The following AEBP2 variants were observed in gnomAD, a reference collection of about 807,000 sequenced individuals.
AEBP2 encodes the protein zinc finger protein AEBP2.
A neutral mutation model predicts 50.8 loss-of-function variants in AEBP2; 10 were observed. That is an observed-to-expected ratio of 0.20 (90% confidence interval 0.12 to 0.33). AEBP2 has a LOEUF of 0.33. Ranked by LOEUF, AEBP2 falls within the 10% of genes least tolerant of loss-of-function variation. The pLI is 1.00. For missense variants in AEBP2, 570 were observed against 688.0 expected (o/e 0.83, Z 1.92); for synonymous variants, 296 against 261.3 (o/e 1.13, Z -1.28).
Position 19,452,244 on chromosome 12 carries a change from C to T in AEBP2, c.672-10266C>T, listed in dbSNP as rs558949157. On this transcript the variant is annotated intron_variant, in intron 1 of 7. Transcript: ENST00000266508. ...CTGGATTCAAGTGATGTGTCTGCCT[C>T]GACCTCCCAAAGTGCTGGGATTACA... Among the ~76,000 whole-genome samples the T allele has an allele frequency of 4.6e-5, 7 of 152,270 alleles. 1 individual carries two copies. The highest frequency in any genetic ancestry group is 1.2e-4 in the African/African-American group (5 of 41,562).
intron 5 of AEBP2, chr12:19,509,006 A>G: frequency 1.9e-6 from 1 of 532,900 alleles, no homozygotes; most frequent in Non-Finnish European, 3.6e-6. Context: ...TTACCTTTTT[A>G]CTAAGAACGT....
intron 1 of AEBP2, among the ~76,000 whole-genome samples, chr12:19,455,003 ATT>A (rs778113628): frequency 6.9e-6 from 1 of 145,136 alleles, no homozygotes. Flanking sequence ...TGGTTCTCAG[ATT>A]TTTTTTTTTT....
intron 5 of AEBP2, among the ~76,000 whole-genome samples, chr12:19,506,999 A>G (rs1226373974): frequency 3.3e-5 from 5 of 152,136 alleles, no homozygotes; most frequent in Non-Finnish European, 5.9e-5. Flanking sequence ...TTAGAGGCCT[A>G]TAGGGCATTC....
intron 1 of AEBP2, chr12:19,456,422 C>A: frequency 7.2e-7 from 1 of 1,398,460 alleles, no homozygotes; most frequent in Admixed American, 1.8e-5. Flanking sequence ...TGCCAGGAAC[C>A]ATATCAACGT....
chr12:19,474,606 A>T lies in AEBP2; in HGVS notation c.987+1251A>T, dbSNP rs554794739. On this transcript the variant is annotated intron_variant, in intron 3 of 7. Transcript: ENST00000266508. Reference sequence around the variant, plus strand: ...TCTCATTCTCCTTTCTTTCTTACACAAAGTCTAGTAAATTAAATACTGTCT... The same window carrying T: ...TCTCATTCTCCTTTCTTTCTTACACTAAGTCTAGTAAATTAAATACTGTCT... 7.9e-5 allele frequency among the ~76,000 whole-genome samples: 12 copies of T among 152,198 alleles called. No homozygotes were observed. In the South Asian group the frequency reaches 2.5e-3, roughly 32 times the overall value.
At chr12:19,495,557 T>TG (rs1948965888) in intron 4 of AEBP2, among the ~76,000 whole-genome samples, 1 of 152,004 alleles carries the variant, frequency 6.6e-6, no homozygotes, top group Non-Finnish European at 1.5e-5. Context: ...CTTTTTTTTT[T>TG]TTTTGATACA....
intron 3 of AEBP2, among the ~76,000 whole-genome samples, chr12:19,485,186 A>G (rs146624615): frequency 9.1e-4 from 139 of 152,330 alleles, no homozygotes; most frequent in Middle Eastern, 3.4e-3. Flanking sequence ...TTCAAAGCCT[A>G]TACAAATGTT....
In AEBP2 at chr12:19,496,584, C is replaced by T. The variant is rs367696909; in HGVS notation, c.1174+2598C>T. Reference sequence around the variant, plus strand: ...ATTCAAGAAGACAGTTTTTACGAAACTGTGAAAAATATACCTTATAAATAG... The same window carrying T: ...ATTCAAGAAGACAGTTTTTACGAAATTGTGAAAAATATACCTTATAAATAG... On this transcript the variant is annotated intron_variant, in intron 4 of 7. Coordinates refer to ENST00000266508, the MANE Select transcript of AEBP2 (RefSeq NM_153207.5). 1.6e-4 allele frequency among the ~76,000 whole-genome samples: 25 copies of T among 151,948 alleles called. No homozygotes were observed. The East Asian group carries it at 1.7e-3, about 11-fold the overall frequency.
At position 19,452,162 on chromosome 12, in the gene AEBP2, A is replaced by G. The variant is rs534473258; in HGVS notation, c.672-10348A>G. ...CACCTCAGCCTCCCAAAGTGCTGGG[A>G]TTTTTATTTTTATTGGGATGGAGTT... On this transcript the variant is annotated intron_variant, in intron 1 of 7. Coordinates refer to ENST00000266508, the MANE Select transcript of AEBP2 (RefSeq NM_153207.5). Among the ~76,000 whole-genome samples the G allele has an allele frequency of 3.4e-4, 51 of 152,182 alleles. 1 individual carries two copies. In the South Asian group the frequency reaches 0.011, roughly 32 times the overall value.
chr12:19,435,760 A>G (rs1246247384), upstream of AEBP2, among the ~76,000 whole-genome samples: 1 of 152,172 alleles, frequency 6.6e-6, no homozygotes, highest in Admixed American at 6.5e-5. Context: ...ATGTCTTACT[A>G]TACACTTTGT....
chr12:19,456,953 G>T (rs1397157889), intron 1 of AEBP2: 14 of 1,514,540 alleles, frequency 9.2e-6, no homozygotes, highest in African/African-American at 4.1e-5. Flanking sequence ...GCCTCAAGCA[G>T]CATGGTTCCA....
intron 3 of AEBP2, among the ~76,000 whole-genome samples, chr12:19,481,165 A>G (rs1372759925): frequency 8.2e-6 from 1 of 122,046 alleles, no homozygotes; most frequent in East Asian, 2.5e-4. Flanking sequence ...TAGTGATGCT[A>G]TCTCCACTCA....
intron 4 of AEBP2, among the ~76,000 whole-genome samples, chr12:19,497,031 TTAAAA>T (rs1405077261): frequency 2.6e-5 from 4 of 151,206 alleles, no homozygotes; most frequent in African/African-American, 9.7e-5. Flanking sequence ...TTAAAAATCT[TTAAAA>T]TATATTTTTA....
intron 5 of AEBP2, among the ~76,000 whole-genome samples, chr12:19,511,666 A>G (rs929877567): frequency 5.9e-5 from 9 of 152,124 alleles, no homozygotes; most frequent in Non-Finnish European, 1.2e-4. Context: ...GATGGAGAGA[A>G]TGGGTATTAA....
intron 3 of AEBP2, among the ~76,000 whole-genome samples, chr12:19,485,088 T>G (rs1332640912): frequency 1.3e-5 from 2 of 152,262 alleles, no homozygotes; most frequent in Admixed American, 1.3e-4. Flanking sequence ...ATTTACATCT[T>G]CATTGTATTT....
intron 5 of AEBP2, among the ~76,000 whole-genome samples, chr12:19,510,117 A>G (rs2075203800): frequency 6.6e-6 from 1 of 152,118 alleles, no homozygotes; most frequent in Non-Finnish European, 1.5e-5. Flanking sequence ...GTGTAAACCC[A>G]ATGTTAAATG....
At chr12:19,511,748 G>A (rs1949235061) in intron 5 of AEBP2, among the ~76,000 whole-genome samples, 1 of 151,854 alleles carries the variant, frequency 6.6e-6, no homozygotes, top group Admixed American at 6.6e-5. Context: ...GCTCGAAGGT[G>A]TTCACTGTAA....
rs1266141007 is a variant in AEBP2, at chr12:19,412,330, T to C, written c.-17+8114T>C. ...GTCTTGTGCTATCGCCAGGCTGGAG[T>C]GCAGTGGTGTGATCTTAGTTCACTA... On this transcript the variant is annotated intron_variant, in intron 1 of 3. Coordinates refer to the AEBP2 transcript ENST00000538425. Among the ~76,000 whole-genome samples, 8 of 152,210 alleles carry C rather than the reference T, an allele frequency of 5.3e-5. No individual in the cohort carries two copies. The South Asian group carries it at 1.7e-3, about 32-fold the overall frequency.
rs756264879 is a variant in AEBP2, at chr12:19,493,850, T to C, written c.1038T>C (p.Ala346=). The change falls in exon 4 of 8, where the codon GCT becomes GCC. Residue 346 remains alanine (A), a synonymous_variant. Coordinates refer to ENST00000266508, the MANE Select transcript of AEBP2 (RefSeq NM_153207.5). ...GCTTTGCTTCTCAGGGAGGGCTAGC[T>C]CGTCATGTACCCACACACTTCAGTC... ...NASFASQGGL[A]RHVPTHFSQQ... is the part of the protein sequence containing the mutation. 4 of 1,613,808 alleles carry C rather than the reference T, an allele frequency of 2.5e-6. No individual in the cohort carries two copies. The Admixed American group carries it at 6.7e-5, about 27-fold the overall frequency.
Sources: allele counts gnomAD v4.1 joint callset (sites outside exome capture counted in the v4.1 genomes callset), GRCh38; gene constraint gnomAD v4.1.1; transcripts MANE v1.5; gene names NCBI Gene and HGNC (gene_info 2026-07-23, HGNC 2026-07-21).